Variants in RAPGEF1 observed in about 807,000 individuals in gnomAD.
The protein encoded by RAPGEF1 is Rap guanine nucleotide exchange factor 1.
Under a neutral mutation model 143.3 loss-of-function variants are expected in RAPGEF1, and 33 were observed. That is an observed-to-expected ratio of 0.23 (90% CI 0.17 to 0.31). The LOEUF (loss-of-function observed/expected upper bound fraction) is 0.31, where lower values mean the gene tolerates loss of function less well. Among genes scored for constraint, RAPGEF1 ranks in the 10% least tolerant of loss-of-function variants. The pLI is 1.00. For synonymous variants in RAPGEF1, 629 were observed against 676.5 expected, an observed-to-expected ratio of 0.93 and a Z score of 1.09; for missense variants, 1,199 against 1,645.4, an observed-to-expected ratio of 0.73 and a Z score of 4.69.
chr9:131,645,184 G>A (rs1969212098), intron 3 of RAPGEF1, among the ~76,000 whole-genome samples: 1 of 152,210 alleles, frequency 6.6e-6, no homozygotes. Flanking sequence ...GGGCAGGGAG[G>A]AACCTGAGTG....
rs765154043 is a variant in RAPGEF1, at chr9:131,592,176, C to T, written c.2697G>A (p.Val899=). Residue 899 remains valine (V), a synonymous_variant, in exon 18 of 27, where the codon GTG becomes GTA. Transcript: ENST00000683357. The part of the protein sequence containing the change: ...HATETDRKDL[V]LYCEAFLTTY... The stretch of plus-strand genomic sequence containing the variant: ...TGGTCAGGAATGCCTCGCAGTACAA[C>T]ACCAAATCTAGAGGGAAAAAACAAT... 2.2e-5 allele frequency: 34 copies of T among 1,550,548 alleles called. No individual in the cohort carries two copies. The highest frequency in any genetic ancestry group is 2.8e-5 in the Non-Finnish European group (32 of 1,151,450).
At chr9:131,593,146 G>T (rs1163386823) in intron 17 of RAPGEF1, among the ~76,000 whole-genome samples, 2 of 152,254 alleles carry the variant, frequency 1.3e-5, no homozygotes, top group African/African-American at 4.8e-5. Context: ...CGGGTACCAA[G>T]GAGAGGCATG....
chr9:131,594,872 C>T (rs972491296), intron 17 of RAPGEF1, among the ~76,000 whole-genome samples: 2 of 152,204 alleles, frequency 1.3e-5, no homozygotes, highest in Non-Finnish European at 2.9e-5. Context: ...CCTTTGGAGC[C>T]GAGGTCTGAA....
intron 1 of RAPGEF1, among the ~76,000 whole-genome samples, chr9:131,695,570 A>C (rs995851478): frequency 3.9e-5 from 6 of 152,238 alleles, no homozygotes; most frequent in African/African-American, 1.4e-4. Context: ...GAGTTGGATC[A>C]AGCTAGACGT....
chr9:131,681,771 G>C (rs1244822385), intron 1 of RAPGEF1, among the ~76,000 whole-genome samples: 1 of 152,158 alleles, frequency 6.6e-6, no homozygotes, highest in Non-Finnish European at 1.5e-5. Context: ...CAGCTTAGAG[G>C]AGTGTGCATT....
At chr9:131,683,777 T>C (rs1394458092) in intron 1 of RAPGEF1, among the ~76,000 whole-genome samples, 1 of 152,258 alleles carries the variant, frequency 6.6e-6, no homozygotes, top group Non-Finnish European at 1.5e-5. Context: ...CTGCTTTTGA[T>C]ATGCCTATTA....
rs7854760 is a variant in RAPGEF1 at position 131,583,193 on chromosome 9, T to C, written c.3415-491A>G. On this transcript the variant is annotated intron_variant, in intron 24 of 26. Coordinates refer to ENST00000683357, the MANE Select transcript of RAPGEF1 (RefSeq NM_001377935.1). The surrounding 1 kb of genome is among the most constrained non-coding windows in gnomAD (Gnocchi z 4.7). ...CTGGGTGGCTTCTCTCCTGCAGGGG[T>C]GGGGGGCTCCCACCTAGGAGACTCA... Among the ~76,000 whole-genome samples the C allele has an allele frequency of 0.2, 30,757 of 151,766 alleles. 4,330 individuals are homozygous for C. Among genetic ancestry groups the C allele is most frequent in the African/African-American group, 0.4 (16,394 of 41,388 alleles).
chr9:131,713,589 G>C (rs1191011871), intron 1 of RAPGEF1, among the ~76,000 whole-genome samples: 1 of 152,140 alleles, frequency 6.6e-6, no homozygotes, highest in Non-Finnish European at 1.5e-5. Flanking sequence ...TCCACACCTT[G>C]TATTTTCACA....
At position 131,615,983 on chromosome 9, in the gene RAPGEF1, G is replaced by A. The variant is rs186132243; in HGVS notation, c.2061+3068C>T. 1.6e-3 allele frequency among the ~76,000 whole-genome samples: 249 copies of A among 152,150 alleles called. 1 individual carries two copies. Among genetic ancestry groups the A allele is most frequent in the African/African-American group, 5.3e-3 (222 of 41,514 alleles). Reference sequence around the variant, plus strand: ...ATATTCCAGGGATAAAAACCATGACGTGGCCAGGCGCAGTGGCTCACGCCT... The same window carrying A: ...ATATTCCAGGGATAAAAACCATGACATGGCCAGGCGCAGTGGCTCACGCCT... On this transcript the variant is annotated intron_variant, in intron 12 of 26. Transcript: ENST00000683357.
At chr9:131,579,895 C>T (rs1164586874) in intron 26 of RAPGEF1, among the ~76,000 whole-genome samples, 1 of 152,216 alleles carries the variant, frequency 6.6e-6, no homozygotes, top group Non-Finnish European at 1.5e-5. Flanking sequence ...CAGGTGATCC[C>T]ACTGCCCCCA....
chr9:131,708,529 G>T lies in RAPGEF1; in HGVS notation c.61+31241C>A, dbSNP rs543582189. 2.0e-5 allele frequency among the ~76,000 whole-genome samples: 3 copies of T among 152,300 alleles called. No homozygotes were observed. The East Asian group carries it at 5.8e-4, about 29-fold the overall frequency. On this transcript the variant is annotated intron_variant, in intron 1 of 26. Coordinates refer to ENST00000683357, the MANE Select transcript of RAPGEF1 (RefSeq NM_001377935.1). ...CCCAAGCCCTAGAGAGACAGAGTAG[G>T]TGTTAAGAGAGGCTGTTGTCCCACT... is the stretch of plus-strand genomic sequence containing the variant.
chr9:131,726,424 C>T (rs1002972444), intron 1 of RAPGEF1, among the ~76,000 whole-genome samples: 2 of 151,990 alleles, frequency 1.3e-5, no homozygotes, highest in African/African-American at 4.8e-5. Flanking sequence ...GCCATGCATT[C>T]GAGACCATCC....
At chr9:131,613,117 T>C (rs191227956) in intron 12 of RAPGEF1, among the ~76,000 whole-genome samples, 141 of 152,344 alleles carry the variant, frequency 9.3e-4, no homozygotes, top group Non-Finnish European at 1.5e-3. Flanking sequence ...ATGCTGGTTG[T>C]GCGTCACGTA....
At chr9:131,646,030 A>G (rs1312087778) in intron 3 of RAPGEF1, among the ~76,000 whole-genome samples, 1 of 152,248 alleles carries the variant, frequency 6.6e-6, no homozygotes, top group African/African-American at 2.4e-5. Context: ...CCAGTAATAA[A>G]GCAGAGAAAG....
chr9:131,709,967 C>T (rs1017506627), intron 1 of RAPGEF1: 1 of 984,498 alleles, frequency 1.0e-6, no homozygotes, highest in Non-Finnish European at 1.2e-6. Flanking sequence ...AAGCTCTTTC[C>T]TCAGCATCCT....
intron 12 of RAPGEF1, among the ~76,000 whole-genome samples, chr9:131,618,774 T>C (rs576338836): frequency 6.6e-6 from 1 of 152,196 alleles, no homozygotes; most frequent in South Asian, 2.1e-4. Context: ...GAGATTGGGA[T>C]AAAAAGGCTA....
intron 1 of RAPGEF1, among the ~76,000 whole-genome samples, chr9:131,666,591 G>A (rs1830478177): frequency 6.6e-6 from 1 of 151,936 alleles, no homozygotes; most frequent in Non-Finnish European, 1.5e-5. Flanking sequence ...CACCATGTTG[G>A]CCAGGCTGGT....
intron 1 of RAPGEF1, among the ~76,000 whole-genome samples, chr9:131,713,189 G>A (rs577607331): frequency 2.6e-5 from 4 of 152,262 alleles, no homozygotes; most frequent in East Asian, 3.9e-4. Context: ...CAAATACGCC[G>A]AGAACGCTGT....
chr9:131,709,650 T>C (rs1390900294), intron 1 of RAPGEF1: 1 of 1,613,896 alleles, frequency 6.2e-7, no homozygotes, highest in Non-Finnish European at 8.5e-7. Context: ...TGACTTCGTT[T>C]CAAGGGCTTC....
Sources: allele counts gnomAD v4.1 joint callset (sites outside exome capture counted in the v4.1 genomes callset), GRCh38; gene constraint gnomAD v4.1.1; non-coding constraint Gnocchi (gnomAD v3.1); transcripts MANE v1.5; gene names NCBI Gene and HGNC (gene_info 2026-07-23, HGNC 2026-07-21).